The following NUP98 variants were observed in gnomAD, a reference collection of about 807,000 sequenced individuals.
The protein encoded by NUP98 is nucleoporin 98 and 96 precursor, also known as nuclear pore complex protein Nup98-Nup96.
In NUP98, 26 loss-of-function variants were observed where a neutral mutation model predicts 191.9. That is an observed-to-expected ratio of 0.14 (90% CI 0.10 to 0.19). The LOEUF (loss-of-function observed/expected upper bound fraction) is 0.19, where lower values mean the gene tolerates loss of function less well. Among genes scored for constraint, NUP98 ranks in the 10% least tolerant of loss-of-function variants. The pLI, the probability that NUP98 is intolerant of heterozygous loss-of-function variation, is 1.00. For missense variants in NUP98, 1,941 were observed against 2,178.8 expected, an observed-to-expected ratio of 0.89 and a Z score of 2.17; for synonymous variants, 808 against 778.4, an observed-to-expected ratio of 1.04 and a Z score of -0.63.
chr11:3,729,504 C>G (rs1305908842), intron 14 of NUP98, among the ~76,000 whole-genome samples: 2 of 132,084 alleles, frequency 1.5e-5, no homozygotes, highest in Non-Finnish European at 3.1e-5. Flanking sequence ...CCCAGGAGTT[C>G]GAGACCACCG....
At chr11:3,732,758 A>G (rs1190983947) in intron 13 of NUP98, among the ~76,000 whole-genome samples, 2 of 152,214 alleles carry the variant, frequency 1.3e-5, no homozygotes, top group East Asian at 3.8e-4. Context: ...AACAGCATAA[A>G]TGAGATTACA....
At chr11:3,723,074 C>T in intron 16 of NUP98, 83 bp downstream of exon 16, 2 of 1,310,612 alleles carry the variant, frequency 1.5e-6, no homozygotes, top group Non-Finnish European at 2.2e-6. Flanking sequence ...AAACAGCTGA[C>T]TTCCATATGT....
chr11:3,712,085 C>A lies in NUP98; in HGVS notation c.2742+479G>T, dbSNP rs958998634. 13 of 1,050,600 alleles carry A rather than the reference C, an allele frequency of 1.2e-5. No individual in the cohort carries two copies. The Admixed American group carries it at 3.8e-4, about 31-fold the overall frequency. 65.1% of individuals were successfully genotyped at this position (1,050,600 alleles called of 1,614,324 possible). ...ATAAAGATTATGTACTATTAAAATA[C>A]AAATATCAAGGTTACCCGAAGTATA... On this transcript the variant is annotated intron_variant, in intron 20 of 32. Coordinates refer to ENST00000324932, the MANE Select transcript of NUP98 (RefSeq NM_016320.5).
intron 1 of NUP98, among the ~76,000 whole-genome samples, chr11:3,784,728 A>G (rs1847095082): frequency 6.7e-6 from 1 of 149,590 alleles, no homozygotes; most frequent in South Asian, 2.1e-4. Context: ...CACTCCAGCA[A>G]GCAAGCAAAC....
chr11:3,698,338 T>C (rs547640588), intron 25 of NUP98, among the ~76,000 whole-genome samples: 8 of 152,330 alleles, frequency 5.3e-5, no homozygotes, highest in East Asian at 3.9e-4. Flanking sequence ...TTTTGATTGA[T>C]AGCTTATCTA....
rs760581747 is a variant in NUP98, at chr11:3,712,682, T to G, written c.2624A>C (p.Glu875Ala). ...KYGLQDSDEEEEEHPSKTSTK... is the reference protein window; with the variant it reads ...KYGLQDSDEEAEEHPSKTSTK... ...ACTAGTTTTAGACGGATGCTCCTCC[T>G]CCTCTTCATCAGAATCCTGAAGGCC... Residue 875 changes from glutamate to alanine, a missense_variant, in exon 20 of 33, where the codon GAG (glutamate) becomes GCG (alanine). Glu to Ala is a moderately radical substitution (Grantham distance 107). Coordinates refer to ENST00000324932, the MANE Select transcript of NUP98 (RefSeq NM_016320.5). 24 of 1,613,142 alleles carry G rather than the reference T, an allele frequency of 1.5e-5. No individual in the cohort carries two copies. Among genetic ancestry groups the G allele is most frequent in the Middle Eastern group, 3.7e-4 (2 of 5,392 alleles).
intron 4 of NUP98, among the ~76,000 whole-genome samples, chr11:3,776,333 C>T (rs1051600542): frequency 4.0e-5 from 6 of 151,596 alleles, no homozygotes; most frequent in Non-Finnish European, 8.8e-5. Flanking sequence ...CCATGTTGCT[C>T]GGGCTAGTCT....
chr11:3,796,203 C>T (rs995635915), intron 1 of NUP98, among the ~76,000 whole-genome samples: 12 of 152,148 alleles, frequency 7.9e-5, no homozygotes, highest in African/African-American at 2.4e-5. Context: ...ATTTCCTCAC[C>T]TTATTCTACT....
chr11:3,711,791 T>A, intron 20 of NUP98: 3 of 922,150 alleles, frequency 3.3e-6, no homozygotes, highest in East Asian at 6.3e-5. Flanking sequence ...TACCCTCCCC[T>A]CCCCTGTACG....
intron 18 of NUP98, among the ~76,000 whole-genome samples, chr11:3,718,540 GAAGA>G (rs2079269318): frequency 6.6e-6 from 1 of 151,132 alleles, no homozygotes; most frequent in Admixed American, 6.6e-5. Flanking sequence ...TGTCTCAAAA[GAAGA>G]AAGAAAGAAA....
At chr11:3,770,245 C>G (rs1415950834) in intron 7 of NUP98, among the ~76,000 whole-genome samples, 1 of 152,092 alleles carries the variant, frequency 6.6e-6, no homozygotes, top group African/African-American at 2.4e-5. Context: ...CCTTGGGAGG[C>G]TGAGGCAGAA....
intron 10 of NUP98, among the ~76,000 whole-genome samples, chr11:3,754,353 G>A (rs1422490000): frequency 6.6e-6 from 1 of 152,198 alleles, no homozygotes; most frequent in African/African-American, 2.4e-5. Flanking sequence ...TTGAACCCGG[G>A]AGACGGGGGT....
chr11:3,679,328 T>G, intron 31 of NUP98: 1 of 634,210 alleles, frequency 1.6e-6, no homozygotes, highest in South Asian at 1.5e-5. Flanking sequence ...GCCTCAGGAA[T>G]GTCTATTGCA....
chr11:3,729,615 C>G (rs2079759705), intron 14 of NUP98, among the ~76,000 whole-genome samples: 1 of 136,970 alleles, frequency 7.3e-6, no homozygotes, highest in Non-Finnish European at 1.5e-5. Context: ...TACTTGGGAA[C>G]TGAGGTGGGA....
intron 9 of NUP98, among the ~76,000 whole-genome samples, chr11:3,761,205 A>G (rs2134510166): frequency 6.6e-6 from 1 of 152,326 alleles, no homozygotes; most frequent in South Asian, 2.1e-4. Context: ...TGGCATAATG[A>G]GTATGTTCTA....
At chr11:3,685,908 T>G (rs2078120067) in intron 29 of NUP98, 65 bp downstream of exon 29, 1 of 1,274,820 alleles carries the variant, frequency 7.8e-7, no homozygotes, top group Admixed American at 1.7e-5. Context: ...CCTGAAAGAC[T>G]GATTCCTTTG....
rs565124676 is a variant in NUP98, at chr11:3,723,426, T to C, written c.1877A>G (p.Glu626Gly). 127 of 1,613,990 alleles carry C rather than the reference T, an allele frequency of 7.9e-5. No individual in the cohort carries two copies. The highest frequency in any genetic ancestry group is 1.6e-4 in the Middle Eastern group (1 of 6,084). The change falls in exon 16 of 33, where the codon GAG (glutamate) becomes GGG (glycine). Residue 626 changes from glutamate (E) to glycine (G), a missense_variant. Glu to Gly is a moderately conservative substitution (Grantham distance 98). This residue lies in a region of NUP98 where 453 missense variants were observed against 438.2 expected (regional missense o/e 1.03). Transcript: ENST00000324932. The stretch of plus-strand genomic sequence containing the variant: ...TTCATCTCCATCCTGCTGGTGATTC[T>C]CATCAACAGGTTTGCTTAGGAAACT... ...RFSFLSKPVDENHQQDGDEDS... is the reference protein window; with the variant it reads ...RFSFLSKPVDGNHQQDGDEDS...
chr11:3,779,054 G>A lies in NUP98; in HGVS notation c.179-5C>T. On this transcript the variant is annotated splice_polypyrimidine_tract_variant and splice_region_variant and intron_variant, in intron 3 of 32. Transcript: ENST00000324932. ...AACTGGTTCCAAACAATCCTCCTGAGGAGATGGAGAAGGAGGGAAAAAGTT... is the reference window on the plus strand; with the variant it reads ...AACTGGTTCCAAACAATCCTCCTGAAGAGATGGAGAAGGAGGGAAAAAGTT... 6.2e-7 allele frequency: 1 copy of A among 1,614,162 alleles called. No individual in the cohort carries two copies. The highest frequency in any genetic ancestry group is 8.5e-7 in the Non-Finnish European group (1 of 1,180,020).
intron 1 of NUP98, among the ~76,000 whole-genome samples, chr11:3,789,831 G>A (rs747572355): frequency 5.9e-5 from 9 of 151,934 alleles, no homozygotes; most frequent in Admixed American, 3.9e-4. Context: ...CCAGGCTGGA[G>A]TGCAGTGCAG....
Sources: allele counts gnomAD v4.1 joint callset (sites outside exome capture counted in the v4.1 genomes callset), GRCh38; gene constraint gnomAD v4.1.1; regional missense constraint gnomAD v4.1.1; transcripts MANE v1.5; gene names NCBI Gene and HGNC (gene_info 2026-07-23, HGNC 2026-07-21).